Variants in MATK observed in about 807,000 individuals in gnomAD.
MATK encodes megakaryocyte-associated tyrosine-protein kinase.
Under a neutral mutation model 59.8 loss-of-function variants are expected in MATK, and 41 were observed. The observed-to-expected ratio is 0.69, with a 90% CI of 0.53 to 0.89. The LOEUF (loss-of-function observed/expected upper bound fraction) is 0.89, where lower values mean the gene tolerates loss of function less well. MATK is among the 40% of genes least tolerant of loss of function. The pLI is 0.00. For missense variants in MATK, 593 were observed against 719.6 expected (o/e 0.82, Z 2.01); for synonymous variants, 308 against 306.1 (o/e 1.01, Z -0.06).
chr19:3,782,985 C>A (rs2037421768), intron 7 of MATK, 141 bp downstream of exon 7: 1 of 707,568 alleles, frequency 1.4e-6, no homozygotes. Context: ...CCCGAGGCAG[C>A]CCAGGTCTTC....
At chr19:3,792,852 C>T (rs114561757) in intron 1 of MATK, among the ~76,000 whole-genome samples, 2,740 of 152,228 alleles carry the variant, frequency 0.018, 88 homozygotes, top group African/African-American at 0.063. Context: ...GAGGACAGGC[C>T]GGGGTGGGGA....
chr19:3,779,329 C>T lies in MATK; in HGVS notation c.1001+49G>A, dbSNP rs201794530. 13 of 1,602,894 alleles carry T rather than the reference C, an allele frequency of 8.1e-6. No individual in the cohort carries two copies. The Admixed American group carries it at 2.2e-4, about 27-fold the overall frequency. ...GTTTCCCCTTGATGGATCTTGGAAT[C>T]TGCGCCCCGACGACCCCAGTGCCGC... On this transcript the variant is annotated intron_variant, in intron 11 of 13. Transcript: ENST00000310132.
In MATK at chr19:3,783,149, G is replaced by A. The variant is rs767457416; in HGVS notation, c.653C>T (p.Ser218Leu). The change falls in exon 7 of 14, where the codon TCG (serine) becomes TTG (leucine). Residue 218 changes from serine (S) to leucine (L), a missense_variant. Physicochemically the swap from Ser to Leu is moderately radical, Grantham distance 145 (BLOSUM62 -2). Coordinates refer to ENST00000310132, the MANE Select transcript of MATK (RefSeq NM_139355.3). Reference sequence around the variant, plus strand: ...ACCCCTGGCCAGCTCCTCCTCGGCCGACTTGGTCCCGTGTTTCCGCTTTGG... The same window carrying A: ...ACCCCTGGCCAGCTCCTCCTCGGCCAACTTGGTCCCGTGTTTCCGCTTTGG... Reference protein sequence around the residue: ...VRPKRKHGTKSAEEELARAGW... With the variant: ...VRPKRKHGTKLAEEELARAGW... 7.4e-6 allele frequency: 12 copies of A among 1,614,064 alleles called. No individual in the cohort carries two copies. The highest frequency in any genetic ancestry group is 2.2e-5 in the East Asian group (1 of 44,874).
upstream of MATK, chr19:3,789,248 C>G: frequency 1.3e-6 from 1 of 770,858 alleles, no homozygotes; most frequent in South Asian, 1.4e-5. Flanking sequence ...CAGCGGAAAA[C>G]CCAGCCGCCT....
chr19:3,793,290 G>A (rs1199525659), intron 1 of MATK: 1 of 152,266 alleles, frequency 6.6e-6, no homozygotes, highest in East Asian at 1.9e-4. Context: ...TCCCGGCTGG[G>A]CGTGGTGGCT....
rs758163608 is a variant in MATK, at chr19:3,784,163, C to T, written c.323G>A (p.Arg108Gln). The T allele has an allele frequency of 2.5e-6, 4 of 1,613,172 alleles. No homozygotes were observed. The highest frequency in any genetic ancestry group is 2.2e-5 in the East Asian group (1 of 44,840). The change falls in exon 5 of 14, where the codon CGG (arginine) becomes CAG (glutamine). Residue 108 changes from arginine (R) to glutamine (Q), a missense_variant. Arg to Gln is a conservative substitution (Grantham distance 43). Coordinates refer to ENST00000310132, the MANE Select transcript of MATK (RefSeq NM_139355.3). ...GLLAAGALRE[R>Q]EALSADPKLS... ...CTTGGGGTCTGCGGAGAGGGCCTCC[C>T]GCTCCCGCAGCGCCCCAGCTGCCAG...
At chr19:3,789,986 CCA>C (rs1482434366), upstream of MATK, among the ~76,000 whole-genome samples, 57 of 152,248 alleles carry the variant, frequency 3.7e-4, no homozygotes, top group Middle Eastern at 3.4e-3. Context: ...ACTGCAACCT[CCA>C]TCTCCCGGGT....
At chr19:3,797,881 A>G (rs2037610239) in intron 1 of MATK, among the ~76,000 whole-genome samples, 1 of 151,934 alleles carries the variant, frequency 6.6e-6, no homozygotes, top group Non-Finnish European at 1.5e-5. Flanking sequence ...ATCTCTACTA[A>G]ATATACAAAA....
rs1364092575 is a variant in MATK at position 3,778,533 on chromosome 19, A to G, written c.1260T>C (p.Tyr420=). Residue 420 remains tyrosine (Y), a synonymous_variant, in exon 13 of 14, where the codon TAT becomes TAC. Transcript: ENST00000310132. ...FGVLLWEVFS[Y]GRAPYPKMSL... ...CCATTTTAGGGTACGGAGCCCGTCC[A>G]TATGAGAAGACCTCCCAGAGCAGCA... is the stretch of plus-strand genomic sequence containing the variant. The G allele has an allele frequency of 1.2e-6, 2 of 1,613,816 alleles. No individual in the cohort carries two copies. The highest frequency in any genetic ancestry group is 1.3e-5 in the African/African-American group (1 of 74,924).
At chr19:3,791,040 C>T (rs187622139), upstream of MATK, among the ~76,000 whole-genome samples, 26 of 152,288 alleles carry the variant, frequency 1.7e-4, no homozygotes, top group African/African-American at 3.4e-4. Flanking sequence ...CTGGAATTCA[C>T]GTGACACCTA....
intron 1 of MATK, among the ~76,000 whole-genome samples, chr19:3,800,407 A>G (rs2145119848): frequency 6.6e-6 from 1 of 152,222 alleles, no homozygotes; most frequent in South Asian, 2.1e-4. Flanking sequence ...GCACTTTGGG[A>G]GGCCGAGGAG....
rs780545186 is a variant in MATK at position 3,783,916 on chromosome 19, C to G, written c.480G>C (p.Val160=). 2 of 1,612,852 alleles carry G rather than the reference C, an allele frequency of 1.2e-6. No homozygotes were observed. The highest frequency in any genetic ancestry group is 4.5e-5 in the East Asian group (2 of 44,890). The change falls in exon 6 of 14, where the codon GTG becomes GTC. Residue 160 remains valine (V), a synonymous_variant. Transcript: ENST00000310132. ...AGTGGATGACGTCGCGGCCAAAGCT[C>G]ACGCACAGGACGTAGTCGCCGGGGT... ...ARHPGDYVLC[V]SFGRDVIHYR...
rs1158969400 is a variant in MATK at position 3,786,361 on chromosome 19, G to A, written c.-344C>T. 1 of 983,348 alleles carries A rather than the reference G, an allele frequency of 1.0e-6. No homozygotes were observed. Among genetic ancestry groups the A allele is most frequent in the South Asian group, 4.6e-5 (1 of 21,550 alleles). 60.9% of individuals were successfully genotyped at this position (983,348 alleles called of 1,614,324 possible). The stretch of plus-strand genomic sequence containing the variant: ...CGCCGCGGCCTGGGAGGCCCCCGCG[G>A]GTCCTAGCGCCGGCCGCACTGCGGT... On this transcript the variant is annotated 5_prime_UTR_variant, in exon 1 of 14. Coordinates refer to ENST00000310132, the MANE Select transcript of MATK (RefSeq NM_139355.3). This position sits in a 1 kb window ranked among gnomAD's most constrained non-coding sequence, Gnocchi z 4.1.
chr19:3,781,744 A>G, intron 7 of MATK, 72 bp from the exon 8 acceptor site: 3 of 1,218,104 alleles, frequency 2.5e-6, no homozygotes, highest in Non-Finnish European at 3.6e-6. Flanking sequence ...CTACTTGGTG[A>G]GAGACTAGGT....
rs199909918 is a variant in MATK, at chr19:3,778,436, G to A, written c.1285-14C>T. 4.1e-5 allele frequency: 66 copies of A among 1,613,412 alleles called. 1 individual carries two copies. The highest frequency in any genetic ancestry group is 2.7e-4 in the Admixed American group (16 of 60,008). Reference sequence around the variant, plus strand: ...CTCTTTCAGTGACTGCGGACAGCAGGCGTGGGCAGGGGTCAGGGCCACAGC... The same window carrying A: ...CTCTTTCAGTGACTGCGGACAGCAGACGTGGGCAGGGGTCAGGGCCACAGC... On this transcript the variant is annotated splice_polypyrimidine_tract_variant and intron_variant, in intron 13 of 13. Transcript: ENST00000310132.
rs770326344 is a variant in MATK at position 3,778,132 on chromosome 19, G to A, written c.*51C>T. 3.0e-5 allele frequency: 46 copies of A among 1,520,170 alleles called. No individual in the cohort carries two copies. The highest frequency in any genetic ancestry group is 2.7e-4 in the East Asian group (11 of 40,638). 94.2% of individuals were successfully genotyped at this position (1,520,170 alleles called of 1,614,324 possible). A position where few individuals can be genotyped will look rare whatever the true frequency, so the allele number is the denominator to read the frequency against. Reference sequence around the variant, plus strand: ...TGGGCCTGGTCAGTGCCCCCACGCCGCACTCTCCACTCTCTCGGTCCTCTG... The same window carrying A: ...TGGGCCTGGTCAGTGCCCCCACGCCACACTCTCCACTCTCTCGGTCCTCTG... On this transcript the variant is annotated 3_prime_UTR_variant, in exon 14 of 14. Transcript: ENST00000310132.
In MATK at chr19:3,779,033, G is replaced by A; in HGVS notation, c.1156C>T (p.Leu386=). The part of the protein sequence containing the change: ...AERKGLDSSR[L]PVKWTAPEAL... ...TCGGGCGCCGTCCACTTGACGGGCA[G>A]CCGGCTTGAGTCTAGCCCCTTCCGC... Residue 386 remains leucine, a synonymous_variant, in exon 12 of 14, where the codon CTG becomes TTG. Transcript: ENST00000310132. 6.3e-7 allele frequency: 1 copy of A among 1,586,232 alleles called. No homozygotes were observed. Among genetic ancestry groups the A allele is most frequent in the Non-Finnish European group, 8.6e-7 (1 of 1,167,900 alleles).
chr19:3,791,346 C>T (rs991009045), upstream of MATK, among the ~76,000 whole-genome samples: 2 of 151,260 alleles, frequency 1.3e-5, no homozygotes, highest in Non-Finnish European at 3.0e-5. Flanking sequence ...CTCCACCTCC[C>T]CCCACTTTTT....
At chr19:3,779,899 T>C (rs2055710694) in intron 8 of MATK, 102 bp from the exon 9 acceptor site, 24 of 750,446 alleles carry the variant, frequency 3.2e-5, no homozygotes, top group Non-Finnish European at 4.8e-6. Context: ...CCATGTAACA[T>C]TCACACAGCT....
Sources: allele counts gnomAD v4.1 joint callset (sites outside exome capture counted in the v4.1 genomes callset), GRCh38; gene constraint gnomAD v4.1.1; non-coding constraint Gnocchi (gnomAD v3.1); transcripts MANE v1.5; gene names NCBI Gene and HGNC (gene_info 2026-07-23, HGNC 2026-07-21).